SMG6: variants seen among roughly 807,000 people sequenced by gnomAD.
SMG6 encodes SMG6 nonsense mediated mRNA decay factor, also known as telomerase-binding protein EST1A.
In SMG6, 66 loss-of-function variants were observed where a neutral mutation model predicts 142.2. The ratio of observed to expected loss-of-function variants is 0.46; its 90% CI spans 0.38 to 0.57. The LOEUF (loss-of-function observed/expected upper bound fraction) is 0.57. SMG6 is among the 20% of genes least tolerant of loss of function. The probability of loss-of-function intolerance (pLI) is 0.00; values close to 1 mark genes in which losing one functional copy is unlikely to be tolerated. For synonymous variants in SMG6, 779 were observed against 702.4 expected (o/e 1.11, Z -1.72); for missense variants, 1,793 against 1,832.0 (o/e 0.98, Z 0.39).
intron 8 of SMG6, chr17:2,280,582 G>A (rs1052928162): frequency 3.0e-6 from 3 of 985,062 alleles, no homozygotes; most frequent in African/African-American, 1.7e-5. Flanking sequence ...AGATTTCTTC[G>A]AGGGCTGGTA....
At chr17:2,112,491 G>A (rs2069361077) in intron 13 of SMG6, among the ~76,000 whole-genome samples, 1 of 149,968 alleles carries the variant, frequency 6.7e-6, no homozygotes, top group South Asian at 2.1e-4. Flanking sequence ...CTGGGTGACT[G>A]AGCAAGACTC....
rs761326971 is a variant in SMG6 at position 2,061,454 on chromosome 17, G to A, written c.*38C>T. On this transcript the variant is annotated 3_prime_UTR_variant, in exon 19 of 19. Coordinates refer to ENST00000263073, the MANE Select transcript of SMG6 (RefSeq NM_017575.5). ...CACTGGGCGCCTGGTGGCCTTTCAG[G>A]AACGGTTCCACGGGGGGGGGGCCCC... The A allele has an allele frequency of 4.0e-6, 6 of 1,496,796 alleles. No individual in the cohort carries two copies. The highest frequency in any genetic ancestry group is 1.7e-5 in the African/African-American group (1 of 59,140). 92.7% of individuals were successfully genotyped at this position (1,496,796 alleles called of 1,614,324 possible).
At chr17:2,144,122 G>T (rs550744519) in intron 13 of SMG6, among the ~76,000 whole-genome samples, 1 of 135,854 alleles carries the variant, frequency 7.4e-6, no homozygotes, top group East Asian at 2.3e-4. Context: ...GCAATGGTGC[G>T]ATCTCGGCTC....
chr17:2,230,232 G>T (rs1379704498), intron 10 of SMG6, among the ~76,000 whole-genome samples: 1 of 38,438 alleles, frequency 2.6e-5, no homozygotes, highest in African/African-American at 1.1e-4. Context: ...GGAAAAGAAA[G>T]GAAAAGAAAA....
intron 8 of SMG6, among the ~76,000 whole-genome samples, chr17:2,254,588 G>C (rs1018325764): frequency 6.6e-6 from 1 of 152,080 alleles, no homozygotes; most frequent in Admixed American, 6.6e-5. Context: ...GCCCACCTCG[G>C]GCTCCCAAAG....
intron 13 of SMG6, among the ~76,000 whole-genome samples, chr17:2,112,395 C>T (rs2069354631): frequency 6.6e-6 from 1 of 151,302 alleles, no homozygotes; most frequent in South Asian, 2.1e-4. Context: ...GGAGTCCCAG[C>T]TACTCGGGAG....
At chr17:2,063,295 A>T (rs1383622088) in intron 18 of SMG6, 4 of 152,264 alleles carry the variant, frequency 2.6e-5, no homozygotes, top group African/African-American at 9.6e-5. Context: ...GTCAGGCCCC[A>T]TCCGCCATAA....
intron 13 of SMG6, among the ~76,000 whole-genome samples, chr17:2,150,897 AAAAT>A (rs777807660): frequency 1.2e-4 from 19 of 152,178 alleles, no homozygotes; most frequent in Admixed American, 3.3e-4. Context: ...AAAAAAAAAA[AAAAT>A]CCGTAACCCA....
chr17:2,287,239 G>A (rs2074928273), intron 6 of SMG6, among the ~76,000 whole-genome samples: 1 of 152,126 alleles, frequency 6.6e-6, no homozygotes, highest in South Asian at 2.1e-4. Flanking sequence ...TTTTTAAATG[G>A]ACAAAGGACT....
intron 15 of SMG6, among the ~76,000 whole-genome samples, chr17:2,079,402 T>C (rs1428169484): frequency 6.6e-6 from 1 of 151,838 alleles, no homozygotes; most frequent in Non-Finnish European, 1.5e-5. Context: ...CGGGAGGCCG[T>C]GGCGGGCAGA....
chr17:2,148,849 ACT>A (rs1233583875), intron 13 of SMG6, among the ~76,000 whole-genome samples: 4 of 140,236 alleles, frequency 2.9e-5, no homozygotes, highest in African/African-American at 8.4e-5. Context: ...GCAGAGTAAG[ACT>A]CTGTCTCAAA....
chr17:2,069,919 T>G (rs2068054082), intron 15 of SMG6, among the ~76,000 whole-genome samples: 1 of 152,236 alleles, frequency 6.6e-6, no homozygotes, highest in Admixed American at 6.5e-5. Flanking sequence ...CTTTGTCACT[T>G]TTTTTCTTAG....
chr17:2,137,063 C>G (rs887726208), intron 13 of SMG6, among the ~76,000 whole-genome samples: 4 of 152,146 alleles, frequency 2.6e-5, no homozygotes, highest in Non-Finnish European at 2.9e-5. Context: ...ACCTTGGAGG[C>G]TGAGGTAGGA....
intron 13 of SMG6, among the ~76,000 whole-genome samples, chr17:2,169,719 T>TG (rs2071446485): frequency 1.3e-5 from 2 of 152,034 alleles, no homozygotes; most frequent in Admixed American, 6.6e-5. Context: ...GGGATGAAGG[T>TG]GGGGTCACAT....
intron 4 of SMG6, among the ~76,000 whole-genome samples, chr17:2,294,685 G>A (rs1424677690): frequency 6.6e-6 from 1 of 152,076 alleles, no homozygotes; most frequent in African/African-American, 2.4e-5. Context: ...TTAAAACTAG[G>A]TTAACCCTTT....
intron 8 of SMG6, among the ~76,000 whole-genome samples, chr17:2,270,302 T>C (rs977065438): frequency 2.6e-5 from 4 of 152,200 alleles, no homozygotes; most frequent in African/African-American, 9.6e-5. Context: ...ACATAATATA[T>C]GACCTACTGA....
At chr17:2,236,683 T>A (rs755902030) in intron 9 of SMG6, 46 bp from the exon 10 acceptor site, 20 of 1,566,376 alleles carry the variant, frequency 1.3e-5, no homozygotes, top group Middle Eastern at 2.2e-4. Flanking sequence ...TCTCTTTCAG[T>A]CTCTCTCTCA....
chr17:2,237,436 C>T, intron 9 of SMG6: 1 of 817,630 alleles, frequency 1.2e-6, no homozygotes, highest in Non-Finnish European at 1.5e-6. Context: ...TTCTGAGGTA[C>T]TATCACACTG....
At chr17:2,163,267 G>A (rs1475035538) in intron 13 of SMG6, among the ~76,000 whole-genome samples, 1 of 152,092 alleles carries the variant, frequency 6.6e-6, no homozygotes, top group African/African-American at 2.4e-5. Context: ...GCTCACTACA[G>A]CCTCGACCTC....
Sources: gnomAD v4.1 joint callset for allele counts (sites outside exome capture counted in the v4.1 genomes callset) on GRCh38, gnomAD v4.1.1 for gene constraint, MANE v1.5 for transcripts, NCBI Gene and HGNC (gene_info 2026-07-23, HGNC 2026-07-21) for gene names.